Variants in PAX3 observed in about 807,000 individuals in gnomAD.
The protein encoded by PAX3 is paired box protein Pax-3.
A neutral mutation model predicts 51.6 loss-of-function variants in PAX3; 14 were observed. The ratio of observed to expected loss-of-function variants is 0.27; its 90% confidence interval spans 0.18 to 0.42. The LOEUF (loss-of-function observed/expected upper bound fraction) is 0.42. Among genes scored for constraint, PAX3 ranks in the 10% least tolerant of loss-of-function variants. PAX3 has a pLI of 1.00. For missense variants in PAX3, 540 were observed against 642.8 expected, an observed-to-expected ratio of 0.84 and a Z score of 1.73; for synonymous variants, 280 against 253.4, an observed-to-expected ratio of 1.11 and a Z score of -1.00.
At chr2:222,234,076 G>A (rs1692709610) in intron 4 of PAX3, among the ~76,000 whole-genome samples, 1 of 152,008 alleles carries the variant, frequency 6.6e-6, no homozygotes, top group Non-Finnish European at 1.5e-5. Context: ...CATCCAAAAT[G>A]AACCCATAAA....
intron 4 of PAX3, among the ~76,000 whole-genome samples, chr2:222,276,507 G>A (rs758874752): frequency 2.6e-5 from 4 of 152,158 alleles, no homozygotes; most frequent in Non-Finnish European, 5.9e-5. Context: ...TTCCTCAAGC[G>A]GCTGCCTGTA....
At chr2:222,270,163 C>G (rs1019580629) in intron 4 of PAX3, among the ~76,000 whole-genome samples, 2 of 152,082 alleles carry the variant, frequency 1.3e-5, no homozygotes, top group Non-Finnish European at 2.9e-5. Context: ...AATAGTAAGC[C>G]CTGTTTCCCC....
At chr2:222,276,697 T>C (rs1574733328) in intron 4 of PAX3, among the ~76,000 whole-genome samples, 1 of 152,272 alleles carries the variant, frequency 6.6e-6, no homozygotes, top group South Asian at 2.1e-4. Flanking sequence ...ACAAGAAACA[T>C]CTAGAAAGTG....
Position 222,253,633 on chromosome 2 carries a change from CT to C in PAX3, c.587-21351del, listed in dbSNP as rs5838943. Among the ~76,000 whole-genome samples, 628 of 146,486 alleles carry C rather than the reference CT, an allele frequency of 4.3e-3. 3 individuals carry two copies. Among genetic ancestry groups the C allele is most frequent in the African/African-American group, 0.013 (506 of 39,932 alleles). ...TTAACAACCTCACTACAAAACTTTT[CT>C]TTTTTTTTTTTCTTTCTTTTTCTTT... is the stretch of plus-strand genomic sequence containing the variant. On this transcript the variant is annotated intron_variant, in intron 4 of 8. Coordinates refer to ENST00000392070, the MANE Select transcript of PAX3 (RefSeq NM_181458.4).
intron 6 of PAX3, among the ~76,000 whole-genome samples, chr2:222,220,647 G>C (rs919947025): frequency 6.6e-6 from 1 of 152,170 alleles, no homozygotes; most frequent in African/African-American, 2.4e-5. Context: ...GGTAGTGAAT[G>C]TTATTCATCA....
At chr2:222,218,669 T>A (rs1048446071) in intron 7 of PAX3, among the ~76,000 whole-genome samples, 1 of 152,202 alleles carries the variant, frequency 6.6e-6, no homozygotes, top group African/African-American at 2.4e-5. Context: ...TCTATCAATA[T>A]AAGTCCATGA....
intron 5 of PAX3, among the ~76,000 whole-genome samples, chr2:222,230,416 G>T (rs892761786): frequency 1.9e-4 from 29 of 150,612 alleles, no homozygotes; most frequent in Non-Finnish European, 3.5e-4. Context: ...CTGTTGGGGG[G>T]TGGGGGGCTA....
chr2:222,278,797 C>G (rs969397903), intron 4 of PAX3, among the ~76,000 whole-genome samples: 5 of 152,246 alleles, frequency 3.3e-5, no homozygotes, highest in African/African-American at 9.6e-5. Context: ...CCTGCCCCCA[C>G]CAAACACGGA....
intron 4 of PAX3, chr2:222,293,804 C>T (rs772846032): frequency 1.2e-6 from 2 of 1,614,120 alleles, no homozygotes; most frequent in South Asian, 1.1e-5. Context: ...CAAGTACCCT[C>T]TATCCCCGGC....
At chr2:222,278,452 T>A (rs1223715884) in intron 4 of PAX3, among the ~76,000 whole-genome samples, 6 of 152,152 alleles carry the variant, frequency 3.9e-5, no homozygotes, top group African/African-American at 1.4e-4. Context: ...AGGTTGTGAG[T>A]TCTAAGGTGA....
chr2:222,221,293 G>T lies in PAX3; in HGVS notation c.887C>A (p.Pro296His). ...CGTTGGCAAGGTCGGCATGGCAGTG[G>T]GAGGGAACCCCCCGGGAATGAGATG... ...FNHLIPGGFP[P>H]TAMPTLPTYQ... The change falls in exon 6 of 9, where the codon CCC becomes CAC. Residue 296 changes from proline (P) to histidine (H), a missense_variant. Transcript: ENST00000392070. 3.1e-6 allele frequency: 5 copies of T among 1,614,088 alleles called. No individual in the cohort carries two copies. Among genetic ancestry groups the T allele is most frequent in the Non-Finnish European group, 4.2e-6 (5 of 1,179,942 alleles).
At position 222,294,423 on chromosome 2, in the gene PAX3, C is replaced by A. The variant is rs1695178721; in HGVS notation, c.452-122G>T. On this transcript the variant is annotated intron_variant, in intron 3 of 8. Transcript: ENST00000392070. Reference sequence around the variant, plus strand: ...GCCCTAGAGCCGCTGCCCTGCACTGCTCGCGGGTGTCTCCTCCTGCATCTC... The same window carrying A: ...GCCCTAGAGCCGCTGCCCTGCACTGATCGCGGGTGTCTCCTCCTGCATCTC... 23 of 1,045,260 alleles carry A rather than the reference C, an allele frequency of 2.2e-5. No individual in the cohort carries two copies. In the South Asian group the frequency reaches 2.9e-4, roughly 13 times the overall value. 64.7% of individuals were successfully genotyped at this position (1,045,260 alleles called of 1,614,324 possible).
chr2:222,280,402 GAAAGAAAGAAA>G (rs1300684985), intron 4 of PAX3, among the ~76,000 whole-genome samples: 167 of 147,474 alleles, frequency 1.1e-3, no homozygotes, highest in African/African-American at 3.8e-3. Flanking sequence ...GAAAAAGAAA[GAAAGAAAGAAA>G]AAAGAAAGAA....
chr2:222,229,677 C>A (rs568630199), intron 5 of PAX3, among the ~76,000 whole-genome samples: 3 of 152,290 alleles, frequency 2.0e-5, no homozygotes, highest in South Asian at 4.1e-4. Flanking sequence ...ACCTACCAAA[C>A]CCTATTTCTT....
intron 4 of PAX3, among the ~76,000 whole-genome samples, chr2:222,254,336 T>G (rs1693555155): frequency 6.6e-6 from 1 of 152,200 alleles, no homozygotes; most frequent in Admixed American, 6.5e-5. Context: ...ACCTTATATT[T>G]AGATTGGTCT....
intron 4 of PAX3, among the ~76,000 whole-genome samples, chr2:222,237,743 C>A (rs1484910602): frequency 1.3e-5 from 2 of 152,108 alleles, no homozygotes; most frequent in Admixed American, 1.3e-4. Flanking sequence ...CAGTCTGGAA[C>A]CTGCCAATAA....
intron 7 of PAX3, among the ~76,000 whole-genome samples, chr2:222,211,071 T>G (rs1395487323): frequency 3.9e-5 from 6 of 152,112 alleles, no homozygotes; most frequent in Non-Finnish European, 8.8e-5. Context: ...CTCACTATGT[T>G]GCCTAGGTTG....
chr2:222,261,073 T>C (rs1693845287), intron 4 of PAX3, among the ~76,000 whole-genome samples: 1 of 152,234 alleles, frequency 6.6e-6, no homozygotes. Context: ...TGATAAACTT[T>C]ATCCTTAGCT....
intron 7 of PAX3, among the ~76,000 whole-genome samples, chr2:222,203,772 A>T (rs539961988): frequency 6.6e-6 from 1 of 152,198 alleles, no homozygotes; most frequent in South Asian, 2.1e-4. Context: ...TTCTTGAACT[A>T]AAGCTCTGAG....
Sources: gnomAD v4.1 joint callset for allele counts (sites outside exome capture counted in the v4.1 genomes callset) on GRCh38, gnomAD v4.1.1 for gene constraint, MANE v1.5 for transcripts, NCBI Gene and HGNC (gene_info 2026-07-23, HGNC 2026-07-21) for gene names.